FNBP1: variants seen among roughly 807,000 people sequenced by gnomAD.
FNBP1 encodes formin-binding protein 1.
FNBP1 carries 26 observed loss-of-function variants against 90.6 expected under a neutral mutation model. That is an observed-to-expected ratio of 0.29 (90% CI 0.21 to 0.40). The LOEUF (loss-of-function observed/expected upper bound fraction) is 0.40. Ranked by LOEUF, FNBP1 falls within the 10% of genes least tolerant of loss-of-function variation. The pLI is 1.00. For synonymous variants in FNBP1, 260 were observed against 265.2 expected (o/e 0.98, Z 0.19); for missense variants, 635 against 768.0 (o/e 0.83, Z 2.05).
intron 2 of FNBP1, among the ~76,000 whole-genome samples, chr9:129,989,855 T>C (rs1045128540): frequency 1.3e-5 from 2 of 152,080 alleles, no homozygotes; most frequent in Admixed American, 6.6e-5. Flanking sequence ...ATGGGCAACA[T>C]GGTGAAATTC....
chr9:129,890,275 G>GAAAAA lies in FNBP1; in HGVS notation c.*263_*264insTTTTT. 1 of 535,178 alleles carries GAAAAA rather than the reference G, an allele frequency of 1.9e-6. No individual in the cohort carries two copies. The highest frequency in any genetic ancestry group is 3.3e-6 in the Non-Finnish European group (1 of 301,514). 33.2% of individuals were successfully genotyped at this position (535,178 alleles called of 1,614,324 possible). ...GTGTGTCCCACCGTCTCAGTGGCCT[G>GAAAAA]CGCGGGGTGGGGAGGGGGAGCGATG... On this transcript the variant is annotated 3_prime_UTR_variant, in exon 17 of 17. Coordinates refer to ENST00000446176, the MANE Select transcript of FNBP1 (RefSeq NM_015033.3). This position sits in a 1 kb window ranked among gnomAD's most constrained non-coding sequence, Gnocchi z 5.8.
intron 6 of FNBP1, among the ~76,000 whole-genome samples, chr9:129,948,166 G>A (rs1222205611): frequency 1.3e-5 from 2 of 151,906 alleles, no homozygotes; most frequent in Middle Eastern, 3.4e-3. Context: ...TCAGCTACTT[G>A]GGAGGCTGAG....
intron 1 of FNBP1, among the ~76,000 whole-genome samples, chr9:130,005,470 T>C: frequency 6.6e-6 from 1 of 150,712 alleles, no homozygotes; most frequent in Middle Eastern, 3.2e-3. Flanking sequence ...GCCTCCCGAG[T>C]AGCTGGGACT....
chr9:129,992,091 G>A (rs1363923300), intron 2 of FNBP1, among the ~76,000 whole-genome samples: 1 of 152,166 alleles, frequency 6.6e-6, no homozygotes, highest in Non-Finnish European at 1.5e-5. Flanking sequence ...AGACAGTTGA[G>A]GTCACCAGGA....
intron 2 of FNBP1, among the ~76,000 whole-genome samples, chr9:129,980,110 CA>C (rs2050949923): frequency 6.6e-6 from 1 of 151,562 alleles, no homozygotes; most frequent in Non-Finnish European, 1.5e-5. Context: ...CCTGTAATCC[CA>C]GTACTTTGGA....
intron 5 of FNBP1, 49 bp downstream of exon 5, chr9:129,958,441 GA>G (rs11394970): frequency 3.8e-6 from 5 of 1,304,298 alleles, no homozygotes; most frequent in African/African-American, 1.5e-5. Context: ...CAAAAAAAAA[GA>G]AAAAAAAATC....
At chr9:130,022,737 A>G (rs989450997) in intron 1 of FNBP1, among the ~76,000 whole-genome samples, 1 of 152,114 alleles carries the variant, frequency 6.6e-6, no homozygotes, top group Non-Finnish European at 1.5e-5. Flanking sequence ...CAGTGGCTCA[A>G]TCACCGCTCA....
At position 129,956,675 on chromosome 9, in the gene FNBP1, G is replaced by A. The variant is rs1447355626; in HGVS notation, c.513+685C>T. On this transcript the variant is annotated intron_variant, in intron 6 of 16. Coordinates refer to ENST00000446176, the MANE Select transcript of FNBP1 (RefSeq NM_015033.3). The stretch of plus-strand genomic sequence containing the variant: ...CAAGCAGTGAGACTATTGCTCTAAA[G>A]GAACCATTATAAGCAGCCAAGCTCT... Among the ~76,000 whole-genome samples the A allele has an allele frequency of 5.3e-5, 8 of 152,152 alleles. No individual in the cohort carries two copies. The East Asian group carries it at 1.5e-3, about 29-fold the overall frequency.
At chr9:129,925,200 G>A in intron 8 of FNBP1, 43 bp from the exon 9 acceptor site, 1 of 1,506,774 alleles carries the variant, frequency 6.6e-7, no homozygotes, top group Non-Finnish European at 9.2e-7. Context: ...TCAGAAGCAT[G>A]CAAACACTTT....
intron 4 of FNBP1, among the ~76,000 whole-genome samples, chr9:129,959,215 T>C (rs1423468913): frequency 6.6e-6 from 1 of 151,754 alleles, no homozygotes; most frequent in Non-Finnish European, 1.5e-5. Flanking sequence ...GAAGCTCACC[T>C]AAGCCTGGGA....
intron 1 of FNBP1, among the ~76,000 whole-genome samples, chr9:130,025,654 T>C (rs549829336): frequency 2.0e-5 from 3 of 152,356 alleles, no homozygotes; most frequent in African/African-American, 7.2e-5. Flanking sequence ...CCGGGCGCAG[T>C]GGCTCACGCC....
rs1669056364 is a variant in FNBP1 at position 130,042,688 on chromosome 9, A to G, written c.24+264T>C. On this transcript the variant is annotated intron_variant, in intron 1 of 16. Transcript: ENST00000446176. The surrounding 1 kb of genome is among the most constrained non-coding windows in gnomAD (Gnocchi z 5.5). The stretch of plus-strand genomic sequence containing the variant: ...CGGCCCGCTCCGGGGCGCCGGGGAC[A>G]GGGAGGCCCGCCCGCGCCGTTCCTC... Among the ~76,000 whole-genome samples, 1 of 151,614 alleles carries G rather than the reference A, an allele frequency of 6.6e-6. No homozygotes were observed. Among genetic ancestry groups the G allele is most frequent in the Non-Finnish European group, 1.5e-5 (1 of 67,822 alleles).
At chr9:130,050,525 G>T in the FNBP1 span, among the ~76,000 whole-genome samples, 1 of 152,130 alleles carries the variant, frequency 6.6e-6, no homozygotes, top group Non-Finnish European at 1.5e-5. Flanking sequence ...GGAAGAAATG[G>T]TGTTTCAAGC....
intron 1 of FNBP1, among the ~76,000 whole-genome samples, chr9:130,024,237 C>T (rs914665733): frequency 6.6e-6 from 1 of 151,176 alleles, no homozygotes; most frequent in Non-Finnish European, 1.5e-5. Flanking sequence ...TAGTGAGATC[C>T]TATCTCTACC....
chr9:130,029,247 C>T (rs909951904), intron 1 of FNBP1, among the ~76,000 whole-genome samples: 1 of 151,950 alleles, frequency 6.6e-6, no homozygotes, highest in African/African-American at 2.4e-5. Context: ...CCTCAACTTC[C>T]TGAGCTCAAG....
At chr9:129,891,582 T>C (rs983447901) in intron 16 of FNBP1, among the ~76,000 whole-genome samples, 1 of 152,234 alleles carries the variant, frequency 6.6e-6, no homozygotes, top group Non-Finnish European at 1.5e-5. Flanking sequence ...TGTAAAATCT[T>C]TGGTGAAAAG....
chr9:129,958,698 T>C (rs1158762692), intron 4 of FNBP1, 145 bp from the exon 5 acceptor site: 2 of 641,868 alleles, frequency 3.1e-6, no homozygotes, highest in African/African-American at 1.9e-5. Flanking sequence ...TTGAAAGGGG[T>C]AGCCGGGTGC....
chr9:129,892,041 G>A (rs1445560154), intron 16 of FNBP1, among the ~76,000 whole-genome samples: 2 of 152,146 alleles, frequency 1.3e-5, no homozygotes, highest in Non-Finnish European at 2.9e-5. Flanking sequence ...AAACTCAAGT[G>A]CGGAGCCGCA....
chr9:129,939,297 G>A (rs2043968184), intron 6 of FNBP1, among the ~76,000 whole-genome samples: 1 of 149,694 alleles, frequency 6.7e-6, no homozygotes, highest in African/African-American at 2.4e-5. Context: ...GCTGAGGCAG[G>A]AGAATCGCTT....
Sources: allele counts gnomAD v4.1 joint callset (sites outside exome capture counted in the v4.1 genomes callset), GRCh38; gene constraint gnomAD v4.1.1; non-coding constraint Gnocchi (gnomAD v3.1); transcripts MANE v1.5; gene names NCBI Gene and HGNC (gene_info 2026-07-23, HGNC 2026-07-21).